Variants in AKAP13 observed in about 807,000 individuals in gnomAD.
AKAP13 encodes the protein A-kinase anchor protein 13.
AKAP13 carries 80 observed loss-of-function variants against 264.5 expected under a neutral mutation model. That is an observed-to-expected ratio of 0.30 (90% CI 0.25 to 0.36). The LOEUF is 0.36. Ranked by LOEUF, AKAP13 falls within the 10% of genes least tolerant of loss-of-function variation. The probability of loss-of-function intolerance (pLI) is 1.00; values close to 1 mark genes in which losing one functional copy is unlikely to be tolerated. For synonymous variants in AKAP13, 1,380 were observed against 1,250.2 expected, an observed-to-expected ratio of 1.10 and a Z score of -2.19; for missense variants, 3,712 against 3,435.2, an observed-to-expected ratio of 1.08 and a Z score of -2.01.
At chr15:85,669,882 T>G (rs1057341141) in intron 14 of AKAP13, 52 bp downstream of exon 14, 1 of 1,355,024 alleles carries the variant, frequency 7.4e-7, no homozygotes, top group African/African-American at 1.5e-5. Context: ...TTAACCACTC[T>G]TCCTATTATT....
intron 19 of AKAP13, among the ~76,000 whole-genome samples, chr15:85,714,065 A>C (rs990246695): frequency 6.6e-6 from 1 of 152,168 alleles, no homozygotes; most frequent in Non-Finnish European, 1.5e-5. Flanking sequence ...CCCAGAACTT[A>C]CCTACTAATA....
chr15:85,606,286 G>A (rs565283879), intron 8 of AKAP13, among the ~76,000 whole-genome samples: 13 of 151,820 alleles, frequency 8.6e-5, no homozygotes, highest in African/African-American at 2.4e-4. Context: ...ATTTTTAGTA[G>A]AGAAGGGGTT....
intron 1 of AKAP13, among the ~76,000 whole-genome samples, chr15:85,458,066 G>A (rs186500556): frequency 3.4e-3 from 509 of 151,776 alleles, no homozygotes; most frequent in South Asian, 6.5e-3. Context: ...CTTGAACCCG[G>A]GAAGCAGAGG....
In AKAP13 at chr15:85,579,190, A is replaced by G. The variant is rs1596590519; in HGVS notation, c.1122A>G (p.Lys374=). 1 of 1,614,222 alleles carries G rather than the reference A, an allele frequency of 6.2e-7. No individual in the cohort carries two copies. The highest frequency in any genetic ancestry group is 1.1e-5 in the South Asian group (1 of 91,084). Residue 374 remains lysine (K), a synonymous_variant, in exon 7 of 37, where the codon AAA becomes AAG. Coordinates refer to ENST00000394518, the MANE Select transcript of AKAP13 (RefSeq NM_007200.5). ...NTDRSCRKKN[K]GVERKGEEVE... ...ACCGTTCCTGTAGGAAGAAAAATAAAGGCGTGGAAAGAAAAGGGGAAGAGG... is the reference window on the plus strand; with the variant it reads ...ACCGTTCCTGTAGGAAGAAAAATAAGGGCGTGGAAAGAAAAGGGGAAGAGG...
At chr15:85,544,586 C>G (rs1237718010) in intron 5 of AKAP13, among the ~76,000 whole-genome samples, 1 of 151,958 alleles carries the variant, frequency 6.6e-6, no homozygotes, top group Non-Finnish European at 1.5e-5. Flanking sequence ...AAAGAGTTCT[C>G]TAGAGGAAGG....
chr15:85,498,199 G>GATATAGATATAGATATATATATATATAT (rs1467895169), intron 2 of AKAP13, among the ~76,000 whole-genome samples: 1 of 133,010 alleles, frequency 7.5e-6, no homozygotes, highest in South Asian at 3.4e-4. Context: ...AATGAAGTGA[G>GATATAGATATAGATATATATATATATAT]ATATATATAT....
intron 8 of AKAP13, among the ~76,000 whole-genome samples, chr15:85,598,564 T>G (rs1368821056): frequency 2.6e-5 from 4 of 152,228 alleles, no homozygotes; most frequent in Non-Finnish European, 5.9e-5. Flanking sequence ...GTTACTCTTG[T>G]GCATTTCCAA....
chr15:85,717,115 CT>C, intron 20 of AKAP13, 174 bp from the exon 21 acceptor site: 1 of 524,262 alleles, frequency 1.9e-6, no homozygotes, highest in Non-Finnish European at 3.3e-6. Context: ...ATGCTCCCGA[CT>C]TTGTTACCAG....
intron 12 of AKAP13, chr15:85,662,396 G>C (rs375427354): frequency 6.2e-7 from 1 of 1,613,964 alleles, no homozygotes; most frequent in Admixed American, 1.7e-5. Flanking sequence ...AGTATGAGCT[G>C]GTGCCCCTCT....
intron 8 of AKAP13, among the ~76,000 whole-genome samples, chr15:85,630,170 C>G (rs959364883): frequency 1.9e-4 from 12 of 62,536 alleles, no homozygotes; most frequent in African/African-American, 9.5e-4. Flanking sequence ...AACACATACA[C>G]ACACACACAC....
chr15:85,671,088 CG>C (rs2083900852), intron 14 of AKAP13: 1 of 151,558 alleles, frequency 6.6e-6, no homozygotes, highest in Non-Finnish European at 1.5e-5. Context: ...CCATGTGTCT[CG>C]GAGGCTGAAG....
chr15:85,567,248 C>T (rs551332366), intron 5 of AKAP13, among the ~76,000 whole-genome samples: 1 of 151,984 alleles, frequency 6.6e-6, no homozygotes, highest in Admixed American at 6.6e-5. Context: ...GCTGGGACTA[C>T]AGGCGTGTAC....
At chr15:85,459,704 T>A (rs2074431775) in intron 1 of AKAP13, among the ~76,000 whole-genome samples, 1 of 152,130 alleles carries the variant, frequency 6.6e-6, no homozygotes, top group South Asian at 2.1e-4. Context: ...TTTCACCGTG[T>A]TAGCCAGGAT....
At chr15:85,728,681 T>C (rs2087764494) in intron 29 of AKAP13, among the ~76,000 whole-genome samples, 1 of 152,044 alleles carries the variant, frequency 6.6e-6, no homozygotes, top group Admixed American at 6.6e-5. Context: ...TGAAAAAAAT[T>C]ATCTCAGCAC....
intron 2 of AKAP13, among the ~76,000 whole-genome samples, chr15:85,496,202 C>G (rs971966862): frequency 6.6e-6 from 1 of 152,016 alleles, no homozygotes; most frequent in Non-Finnish European, 1.5e-5. Context: ...TCCTTTTTTC[C>G]CTCAAAAGCC....
rs1467735934 is a variant in AKAP13, at chr15:85,741,310, G to A, written c.7873G>A (p.Glu2625Lys). 1.2e-6 allele frequency: 2 copies of A among 1,612,850 alleles called. No homozygotes were observed. The highest frequency in any genetic ancestry group is 2.2e-5 in the East Asian group (1 of 44,826). ...GGCCCTCCTGGCCCAGCGCGAGGAG[G>A]AGGTGCAGCAGGGGCAGCAGGACCT... is the stretch of plus-strand genomic sequence containing the variant. ...REALLAQREEEVQQGQQDLEK... is the reference protein window; with the variant it reads ...REALLAQREEKVQQGQQDLEK... The change falls in exon 35 of 37, where the codon GAG (glutamate) becomes AAG (lysine). Residue 2625 changes from glutamate (E) to lysine (K), a missense_variant. Coordinates refer to ENST00000394518, the MANE Select transcript of AKAP13 (RefSeq NM_007200.5).
At chr15:85,601,960 A>G (rs1285709987) in intron 8 of AKAP13, among the ~76,000 whole-genome samples, 3 of 152,086 alleles carry the variant, frequency 2.0e-5, no homozygotes, top group Non-Finnish European at 4.4e-5. Context: ...CTTAATATAA[A>G]ATATTTGGAT....
intron 1 of AKAP13, among the ~76,000 whole-genome samples, chr15:85,462,560 C>A (rs1297116175): frequency 6.6e-6 from 1 of 151,848 alleles, no homozygotes; most frequent in African/African-American, 2.4e-5. Flanking sequence ...TCTCAAGAGA[C>A]CAACTAATTA....
chr15:85,621,759 C>T (rs2081197804), intron 8 of AKAP13, among the ~76,000 whole-genome samples: 1 of 152,062 alleles, frequency 6.6e-6, no homozygotes, highest in Non-Finnish European at 1.5e-5. Context: ...ACCCCATATT[C>T]ATATGAAGAG....
Sources: gnomAD v4.1 joint callset for allele counts (sites outside exome capture counted in the v4.1 genomes callset) on GRCh38, gnomAD v4.1.1 for gene constraint, MANE v1.5 for transcripts, NCBI Gene and HGNC (gene_info 2026-07-23, HGNC 2026-07-21) for gene names.